The following NRXN1 variants were observed in gnomAD, a reference collection of about 807,000 sequenced individuals.
NRXN1 encodes neurexin 1.
NRXN1 carries 39 observed loss-of-function variants against 150.9 expected under a neutral mutation model. The observed-to-expected ratio is 0.26, with a 90% CI of 0.20 to 0.34. The LOEUF (loss-of-function observed/expected upper bound fraction) is 0.34. NRXN1 is among the 10% of genes least tolerant of loss of function. The pLI, the probability that NRXN1 is intolerant of heterozygous loss-of-function variation, is 1.00. For synonymous variants in NRXN1, 924 were observed against 757.0 expected (o/e 1.22, Z -3.62); for missense variants, 1,815 against 1,949.9 (o/e 0.93, Z 1.30).
At chr2:50,966,013 C>G (rs2104739354) in intron 2 of NRXN1, among the ~76,000 whole-genome samples, 1 of 151,510 alleles carries the variant, frequency 6.6e-6, no homozygotes, top group East Asian at 1.9e-4. Context: ...AAAGTTGCAC[C>G]TTAGTAGTAA....
At chr2:50,323,734 T>C (rs2152976596) in intron 17 of NRXN1, among the ~76,000 whole-genome samples, 1 of 152,292 alleles carries the variant, frequency 6.6e-6, no homozygotes, top group South Asian at 2.1e-4. Flanking sequence ...TCTAAGTCCT[T>C]TTCCAAAATA....
chr2:49,965,815 A>C (rs1676875568), intron 21 of NRXN1, among the ~76,000 whole-genome samples: 1 of 152,140 alleles, frequency 6.6e-6, no homozygotes. Context: ...TAGGAACCAC[A>C]CTGTACTTTA....
At chr2:50,088,985 T>G (rs1282514915) in intron 19 of NRXN1, among the ~76,000 whole-genome samples, 2 of 152,202 alleles carry the variant, frequency 1.3e-5, no homozygotes, top group African/African-American at 2.4e-5. Flanking sequence ...TAATATATCC[T>G]ATATTTATTT....
chr2:50,586,908 A>C (rs1024318770), intron 8 of NRXN1, among the ~76,000 whole-genome samples: 1 of 152,242 alleles, frequency 6.6e-6, no homozygotes, highest in Non-Finnish European at 1.5e-5. Flanking sequence ...TTTATGCTAG[A>C]AAATAAAATG....
At chr2:50,778,999 G>C (rs1366953536) in intron 5 of NRXN1, among the ~76,000 whole-genome samples, 1 of 152,050 alleles carries the variant, frequency 6.6e-6, no homozygotes, top group Non-Finnish European at 1.5e-5. Flanking sequence ...CTATGTCTCT[G>C]TACCTATATA....
chr2:50,271,727 T>G (rs1005287305), intron 17 of NRXN1, among the ~76,000 whole-genome samples: 2 of 152,168 alleles, frequency 1.3e-5, no homozygotes, highest in Non-Finnish European at 2.9e-5. Flanking sequence ...ATTTATTAGA[T>G]TATATACATG....
Position 50,391,561 on chromosome 2 carries a change from T to C in NRXN1, c.3364+73881A>G, listed in dbSNP as rs535565134. 3.3e-5 allele frequency among the ~76,000 whole-genome samples: 5 copies of C among 152,270 alleles called. 1 individual carries two copies. The South Asian group carries it at 1.0e-3, about 32-fold the overall frequency. On this transcript the variant is annotated intron_variant, in intron 17 of 22. Transcript: ENST00000401669. ...CTTATTTTGAAAATCTAATACATGA[T>C]ATTGAAGCGTTGGGAACACTGGGAC...
At chr2:50,003,035 T>C (rs986676595) in intron 21 of NRXN1, among the ~76,000 whole-genome samples, 7 of 152,098 alleles carry the variant, frequency 4.6e-5, no homozygotes, top group Admixed American at 2.0e-4. Context: ...GCCAAAAGAT[T>C]TATAGGATTT....
chr2:50,193,324 T>C (rs556628209), intron 18 of NRXN1, among the ~76,000 whole-genome samples: 1 of 152,304 alleles, frequency 6.6e-6, no homozygotes, highest in South Asian at 2.1e-4. Flanking sequence ...AGCTGTTAAA[T>C]ATATTTAGAG....
chr2:50,732,407 C>G (rs1026144887), intron 5 of NRXN1, among the ~76,000 whole-genome samples: 1 of 152,016 alleles, frequency 6.6e-6, no homozygotes, highest in African/African-American at 2.4e-5. Flanking sequence ...TGATCAGCTG[C>G]TAAGAGGAAT....
chr2:50,746,485 G>A (rs1700039326), intron 5 of NRXN1, among the ~76,000 whole-genome samples: 1 of 151,954 alleles, frequency 6.6e-6, no homozygotes, highest in Non-Finnish European at 1.5e-5. Context: ...TTAAGCCCAG[G>A]AGCTTGAGGC....
intron 17 of NRXN1, among the ~76,000 whole-genome samples, chr2:50,298,381 T>C (rs897890188): frequency 3.3e-5 from 5 of 152,226 alleles, no homozygotes; most frequent in Admixed American, 6.5e-5. Context: ...ATGCCTCAGT[T>C]TGATGACAGC....
chr2:49,950,629 T>G (rs767518676), intron 21 of NRXN1, among the ~76,000 whole-genome samples: 4 of 152,008 alleles, frequency 2.6e-5, no homozygotes, highest in Non-Finnish European at 4.4e-5. Context: ...AACAATGAAG[T>G]AAATTCAAAT....
chr2:51,019,940 T>G (rs12463439), intron 2 of NRXN1, among the ~76,000 whole-genome samples: 7,379 of 152,098 alleles, frequency 0.049, 428 homozygotes, highest in East Asian at 0.19. Context: ...AATATTTGAC[T>G]TTTATACTCA....
chr2:50,748,918 T>A (rs373114932), intron 5 of NRXN1, among the ~76,000 whole-genome samples: 2 of 152,122 alleles, frequency 1.3e-5, no homozygotes, highest in African/African-American at 4.8e-5. Context: ...AGTAAGTATG[T>A]CTAATGTTAA....
chr2:50,010,128 C>A (rs929939341), intron 21 of NRXN1, among the ~76,000 whole-genome samples: 5 of 147,138 alleles, frequency 3.4e-5, no homozygotes, highest in Non-Finnish European at 6.0e-5. Flanking sequence ...GTCCAAAAAG[C>A]AAAACAAAAC....
At chr2:50,651,854 C>A (rs1297240034) in intron 5 of NRXN1, among the ~76,000 whole-genome samples, 2 of 151,926 alleles carry the variant, frequency 1.3e-5, no homozygotes, top group Non-Finnish European at 2.9e-5. Context: ...ATAAGCACTG[C>A]ACAACAATAG....
chr2:50,674,185 G>A (rs1378602141), intron 5 of NRXN1, among the ~76,000 whole-genome samples: 1 of 152,122 alleles, frequency 6.6e-6, no homozygotes, highest in Non-Finnish European at 1.5e-5. Flanking sequence ...TTACAGAAGA[G>A]TATGGAACTC....
Position 50,795,520 on chromosome 2 carries a change from C to A in NRXN1, c.832+126349G>T, listed in dbSNP as rs543527669. ...CTCTTCCTGCTCCTCCCTTTCCTTTCTTTCTCCTCCTCTTTCTTCTCTCCC... is the reference window on the plus strand; with the variant it reads ...CTCTTCCTGCTCCTCCCTTTCCTTTATTTCTCCTCCTCTTTCTTCTCTCCC... On this transcript the variant is annotated intron_variant, in intron 5 of 22. Transcript: ENST00000401669. 3.9e-5 allele frequency among the ~76,000 whole-genome samples: 6 copies of A among 151,990 alleles called. No homozygotes were observed. The South Asian group carries it at 1.2e-3, about 31-fold the overall frequency.
Sources: allele counts gnomAD v4.1 joint callset (sites outside exome capture counted in the v4.1 genomes callset), GRCh38; gene constraint gnomAD v4.1.1; transcripts MANE v1.5; gene names NCBI Gene and HGNC (gene_info 2026-07-23, HGNC 2026-07-21).